The following PIGZ variants were observed in gnomAD, a reference collection of about 807,000 sequenced individuals.
PIGZ encodes the protein GPI alpha-1,2-mannosyltransferase 4.
A neutral mutation model predicts 16.4 loss-of-function variants in PIGZ; 16 were observed. That is an observed-to-expected ratio of 0.97 (90% CI 0.66 to 1.48). The LOEUF is 1.48. PIGZ is among the 40% of genes most tolerant of loss of function. The pLI, the probability that PIGZ is intolerant of heterozygous loss-of-function variation, is 0.00. For synonymous variants in PIGZ, 409 were observed against 338.4 expected (o/e 1.21, Z -2.29); for missense variants, 770 against 739.2 (o/e 1.04, Z -0.48).
At position 196,955,021 on chromosome 3, in the gene PIGZ, G is replaced by T. The variant is rs145608700; in HGVS notation, c.1-2990C>A. 2.6e-5 allele frequency among the ~76,000 whole-genome samples: 4 copies of T among 152,254 alleles called. No homozygotes were observed. In the East Asian group the frequency reaches 7.7e-4, roughly 29 times the overall value. Reference sequence around the variant, plus strand: ...GCTTACTGTAGCCTCGACCTCCTGGGATCAAGCGATCCTCTGACCTCAGCC... The same window carrying T: ...GCTTACTGTAGCCTCGACCTCCTGGTATCAAGCGATCCTCTGACCTCAGCC... On this transcript the variant is annotated intron_variant, in intron 1 of 2. Coordinates refer to ENST00000412723, the MANE Select transcript of PIGZ (RefSeq NM_025163.4).
At chr3:196,962,018 T>C (rs985973216) in intron 1 of PIGZ, among the ~76,000 whole-genome samples, 1 of 152,136 alleles carries the variant, frequency 6.6e-6, no homozygotes, top group African/African-American at 2.4e-5. Flanking sequence ...TGAACTTCCA[T>C]ATGAATGAAA....
At chr3:196,948,775 G>T in intron 2 of PIGZ, 90 bp from the exon 3 acceptor site, 2 of 967,316 alleles carry the variant, frequency 2.1e-6, no homozygotes, top group Non-Finnish European at 2.9e-6. Context: ...CCCACCCCTT[G>T]GTGTGTGTGC....
rs1560180701 is a variant in PIGZ at position 196,948,877 on chromosome 3, TTCCC to T, written c.212-196_212-193del. Among the ~76,000 whole-genome samples the T allele has an allele frequency of 3.2e-3, 131 of 40,436 alleles. 19 individuals are homozygous for T. Among genetic ancestry groups the T allele is most frequent in the African/African-American group, 0.018 (124 of 7,074 alleles). The allele number at this position is 40,436 out of a possible 152,430, so 26.5% of individuals were successfully genotyped here. A position where few individuals can be genotyped will look rare whatever the true frequency, so the allele number is the denominator to read the frequency against. On this transcript the variant is annotated intron_variant, in intron 2 of 2. Transcript: ENST00000412723. ...TCTTTCCCTTCCTTCCCTTCCTTCC[TTCCC>T]TTCCTTCCCCTTCCTTCCCTTCCCC... is the stretch of plus-strand genomic sequence containing the variant.
chr3:196,947,019 AT>A lies in PIGZ; in HGVS notation c.*137del. On this transcript the variant is annotated 3_prime_UTR_variant, in exon 3 of 3. Coordinates refer to ENST00000412723, the MANE Select transcript of PIGZ (RefSeq NM_025163.4). ...CCAGAAGGCAGAACAGCTAACAGCC[AT>A]GCCCAGGAGAGGCAGCAGTGGGAGT... 1.4e-6 allele frequency: 1 copy of A among 707,292 alleles called. No individual in the cohort carries two copies. Among genetic ancestry groups the A allele is most frequent in the Non-Finnish European group, 2.3e-6 (1 of 440,544 alleles). The allele number at this position is 707,292 out of a possible 1,614,324, so 43.8% of individuals were successfully genotyped here. A position where few individuals can be genotyped will look rare whatever the true frequency, so the allele number is the denominator to read the frequency against.
In PIGZ at chr3:196,955,704, G is replaced by A. The variant is rs913855232; in HGVS notation, c.1-3673C>T. On this transcript the variant is annotated intron_variant, in intron 1 of 2. Transcript: ENST00000412723. ...AGCGATTCTCCTGCCTCAGCCTCCC[G>A]AGTAGCTGGGACTATAGGTGCGCAC... Among the ~76,000 whole-genome samples the A allele has an allele frequency of 2.7e-5, 4 of 150,124 alleles. No individual in the cohort carries two copies. The Admixed American group carries it at 2.7e-4, about 10-fold the overall frequency.
intron 1 of PIGZ, among the ~76,000 whole-genome samples, chr3:196,966,930 G>A (rs1459970838): frequency 6.6e-6 from 1 of 152,166 alleles, no homozygotes; most frequent in Admixed American, 6.5e-5. Flanking sequence ...GAAGGCTTTA[G>A]GATGAAGCGA....
At chr3:196,961,318 A>G (rs1717714669) in intron 1 of PIGZ, among the ~76,000 whole-genome samples, 1 of 152,234 alleles carries the variant, frequency 6.6e-6, no homozygotes, top group Non-Finnish European at 1.5e-5. Context: ...CTGGGGATTC[A>G]GCCTAGAGCT....
At chr3:196,952,987 T>G (rs961222875) in intron 1 of PIGZ, among the ~76,000 whole-genome samples, 5 of 152,178 alleles carry the variant, frequency 3.3e-5, no homozygotes, top group Non-Finnish European at 5.9e-5. Context: ...GCCGTCGGAC[T>G]AGGACTGGGA....
chr3:196,949,059 T>G (rs1452753574), intron 2 of PIGZ, among the ~76,000 whole-genome samples: 1 of 54,274 alleles, frequency 1.8e-5, no homozygotes, highest in African/African-American at 1.5e-4. Flanking sequence ...TTCCCTTCCT[T>G]CCCCTTCCTT....
In PIGZ at chr3:196,952,045, C is replaced by T; in HGVS notation, c.1-14G>A. On this transcript the variant is annotated splice_polypyrimidine_tract_variant and intron_variant, in intron 1 of 2. Transcript: ENST00000412723. Reference sequence around the variant, plus strand: ...ACAGATCTGCATCTGTTGAGGATAACAGTTGTTGGTTATCACGATGTAAAT... The same window carrying T: ...ACAGATCTGCATCTGTTGAGGATAATAGTTGTTGGTTATCACGATGTAAAT... 6.2e-7 allele frequency: 1 copy of T among 1,610,268 alleles called. No homozygotes were observed. Among genetic ancestry groups the T allele is most frequent in the Non-Finnish European group, 8.5e-7 (1 of 1,177,630 alleles).
intron 2 of PIGZ, among the ~76,000 whole-genome samples, 185 bp from the exon 3 acceptor site, chr3:196,948,870 T>C (rs1471132785): frequency 4.5e-5 from 3 of 66,234 alleles, no homozygotes; most frequent in African/African-American, 3.2e-4. Context: ...TTCCTTCCCT[T>C]CCTTCCTTCC....
chr3:196,948,100 G>GC lies in PIGZ; in HGVS notation c.796dup (p.Ala266GlyfsTer120). The GC allele has an allele frequency of 6.3e-7, 1 of 1,590,782 alleles. No individual in the cohort carries two copies. Among genetic ancestry groups the GC allele is most frequent in the African/African-American group, 1.3e-5 (1 of 74,426 alleles). ...GGCCACAAACACCGCTGCTGTGAGG[G>GC]CTGCCCCAGGGAGCAGCACCAGGGC... On this transcript the variant is annotated frameshift_variant, in exon 3 of 3. Coordinates refer to ENST00000412723, the MANE Select transcript of PIGZ (RefSeq NM_025163.4). LOFTEE classifies it low-confidence loss of function (END_TRUNC).
intron 1 of PIGZ, among the ~76,000 whole-genome samples, chr3:196,966,772 A>G (rs1405815738): frequency 6.6e-6 from 1 of 152,118 alleles, no homozygotes; most frequent in African/African-American, 2.4e-5. Context: ...CATGGCAACC[A>G]CCCACCTTAA....
At position 196,947,252 on chromosome 3, in the gene PIGZ, T is replaced by G. The variant is rs1190476588; in HGVS notation, c.1645A>C (p.Thr549Pro). The G allele has an allele frequency of 6.2e-7, 1 of 1,613,142 alleles. No homozygotes were observed. The highest frequency in any genetic ancestry group is 2.2e-5 in the East Asian group (1 of 44,862). ...GACAGGGCTGGTGGATCCTCCAGGG[T>G]CAGATGGGGAAATAAAAGTGTTTCA... ...KNETLLFPHL[T>P]LEDPPALSSL... is the part of the protein sequence containing the mutation. Residue 549 changes from threonine (T) to proline (P), a missense_variant, in exon 3 of 3, where the codon ACC becomes CCC. Coordinates refer to ENST00000412723, the MANE Select transcript of PIGZ (RefSeq NM_025163.4).
In PIGZ at chr3:196,948,214, G is replaced by A. The variant is rs775838903; in HGVS notation, c.683C>T (p.Pro228Leu). ...GACCACAGCAAAGGCCAGAAAGGTG[G>A]GCCGGTTGAAGAAGCCAGCAGCCAC... The part of the protein sequence containing the change: ...GIVAAGFFNR[P>L]TFLAFAVVPL... The change falls in exon 3 of 3, where the codon CCC (proline) becomes CTC (leucine). Residue 228 changes from proline (P) to leucine (L), a missense_variant. By Grantham distance (98) the Pro-to-Leu change is moderately conservative. Transcript: ENST00000412723. 1.2e-6 allele frequency: 2 copies of A among 1,614,200 alleles called. No individual in the cohort carries two copies. The highest frequency in any genetic ancestry group is 1.7e-6 in the Non-Finnish European group (2 of 1,180,032).
chr3:196,952,281 T>C (rs1370667185), intron 1 of PIGZ, among the ~76,000 whole-genome samples: 1 of 152,180 alleles, frequency 6.6e-6, no homozygotes, highest in African/African-American at 2.4e-5. Context: ...GCTGAGTAAC[T>C]TGGTTACTTG....
At chr3:196,964,647 GC>G (rs1440039141) in intron 1 of PIGZ, among the ~76,000 whole-genome samples, 1 of 152,194 alleles carries the variant, frequency 6.6e-6, no homozygotes, top group Non-Finnish European at 1.5e-5. Flanking sequence ...GTGCCACCGT[GC>G]CCAGTCTAGC....
chr3:196,961,253 C>T (rs6781589), intron 1 of PIGZ, among the ~76,000 whole-genome samples: 3,186 of 152,240 alleles, frequency 0.021, 123 homozygotes, highest in African/African-American at 0.073. Flanking sequence ...TTTCCTGATA[C>T]GGGACAGAAG....
In PIGZ at chr3:196,948,375, C is replaced by T. The variant is rs1279642411; in HGVS notation, c.522G>A (p.Arg174=). The change falls in exon 3 of 3, where the codon AGG becomes AGA. Residue 174 remains arginine, a synonymous_variant. Coordinates refer to ENST00000412723, the MANE Select transcript of PIGZ (RefSeq NM_025163.4). ...GTCCCTCAATGGTGTTGGAGAAGGT[C>T]CTTGTGTAGAAGACCAGGGTGACGT... ...GSYVTLVFYT[R]TFSNTIEGLL... 6 of 1,614,144 alleles carry T rather than the reference C, an allele frequency of 3.7e-6. No homozygotes were observed. The South Asian group carries it at 5.5e-5, about 15-fold the overall frequency.
Sources: allele counts gnomAD v4.1 joint callset (sites outside exome capture counted in the v4.1 genomes callset), GRCh38; gene constraint gnomAD v4.1.1; transcripts MANE v1.5; gene names NCBI Gene and HGNC (gene_info 2026-07-23, HGNC 2026-07-21).